The following ATXN1 variants were observed in gnomAD, a reference collection of about 807,000 sequenced individuals.
The protein encoded by ATXN1 is ataxin 1.
ATXN1 carries 8 observed loss-of-function variants against 56.4 expected under a neutral mutation model. The ratio of observed to expected loss-of-function variants is 0.14; its 90% CI spans 0.08 to 0.26. ATXN1 has a LOEUF of 0.26. ATXN1 is among the 10% of genes least tolerant of loss of function. ATXN1 has a pLI of 1.00. For missense variants in ATXN1, 987 were observed against 1,106.5 expected (o/e 0.89, Z 1.53); for synonymous variants, 514 against 494.6 (o/e 1.04, Z -0.52).
At chr6:16,622,993 C>G (rs527904549) in intron 3 of ATXN1, among the ~76,000 whole-genome samples, 5 of 152,088 alleles carry the variant, frequency 3.3e-5, no homozygotes, top group Non-Finnish European at 7.4e-5. Flanking sequence ...GGCTTCATAT[C>G]AGGTTACTGA....
intron 3 of ATXN1, among the ~76,000 whole-genome samples, chr6:16,595,158 T>C (rs1762792635): frequency 1.3e-5 from 2 of 152,206 alleles, no homozygotes; most frequent in African/African-American, 2.4e-5. Context: ...TTTCCTTCAC[T>C]ATTAGAAGCA....
At chr6:16,601,570 G>A (rs1033813503) in intron 3 of ATXN1, among the ~76,000 whole-genome samples, 3 of 152,184 alleles carry the variant, frequency 2.0e-5, no homozygotes, top group African/African-American at 7.2e-5. Flanking sequence ...ATTTATTTCA[G>A]CTGTGCGCAG....
chr6:16,543,441 ATCG>A (rs963007478), intron 4 of ATXN1, among the ~76,000 whole-genome samples: 1 of 152,116 alleles, frequency 6.6e-6, no homozygotes, highest in Admixed American at 6.5e-5. Flanking sequence ...AACATCCTTT[ATCG>A]GCTTGCACAT....
chr6:16,500,693 G>C (rs978125654), intron 5 of ATXN1, among the ~76,000 whole-genome samples: 1 of 133,172 alleles, frequency 7.5e-6, no homozygotes, highest in Non-Finnish European at 1.6e-5. Context: ...TTCTTTCCAA[G>C]ATGTGATAAG....
intron 6 of ATXN1, among the ~76,000 whole-genome samples, chr6:16,469,415 T>C (rs1760172981): frequency 6.6e-6 from 1 of 152,252 alleles, no homozygotes; most frequent in South Asian, 2.1e-4. Flanking sequence ...ACCAAGGTGC[T>C]AATATCTTAT....
chr6:16,746,414 C>G (rs1432114009), intron 2 of ATXN1, among the ~76,000 whole-genome samples: 2 of 152,192 alleles, frequency 1.3e-5, no homozygotes, highest in Non-Finnish European at 2.9e-5. Context: ...AAGGAATTAC[C>G]TAGAGACTAA....
At chr6:16,319,081 G>A (rs1760584705) in intron 7 of ATXN1, among the ~76,000 whole-genome samples, 1 of 152,008 alleles carries the variant, frequency 6.6e-6, no homozygotes, top group Non-Finnish European at 1.5e-5. Context: ...AGCTGGGCGT[G>A]GTGGTGTGTA....
intron 2 of ATXN1, among the ~76,000 whole-genome samples, chr6:16,729,236 G>A (rs1334918722): frequency 2.0e-5 from 3 of 152,172 alleles, no homozygotes; most frequent in South Asian, 4.1e-4. Flanking sequence ...CTCCCAAGGT[G>A]TATATTTATA....
At chr6:16,380,738 T>G (rs1758086590) in intron 6 of ATXN1, among the ~76,000 whole-genome samples, 2 of 152,090 alleles carry the variant, frequency 1.3e-5, no homozygotes, top group South Asian at 4.2e-4. Context: ...AGTGAATGCT[T>G]GACACTCATC....
chr6:16,424,251 G>A (rs899934724), intron 6 of ATXN1, among the ~76,000 whole-genome samples: 2 of 152,166 alleles, frequency 1.3e-5, no homozygotes, highest in Non-Finnish European at 2.9e-5. Context: ...AGAGCTACGG[G>A]TTCAAGGGAC....
intron 6 of ATXN1, among the ~76,000 whole-genome samples, chr6:16,355,205 A>G (rs1039989837): frequency 1.3e-5 from 2 of 152,296 alleles, no homozygotes; most frequent in South Asian, 4.2e-4. Flanking sequence ...GTTTGCTGAG[A>G]GCAGAACCCA....
rs1033842432 is a variant in ATXN1 at position 16,336,930 on chromosome 6, C to A, written c.-160-8460G>T. 7.2e-5 allele frequency among the ~76,000 whole-genome samples: 11 copies of A among 152,308 alleles called. 1 individual carries two copies. The highest frequency in any genetic ancestry group is 5.2e-4 in the Admixed American group (8 of 15,298). On this transcript the variant is annotated intron_variant, in intron 6 of 7. Transcript: ENST00000436367. ...GCAATGGATACGACTATACTTGAAG[C>A]AATGATTAAAAAATTTAAATCCACC...
At chr6:16,379,180 T>C (rs1326019219) in intron 6 of ATXN1, among the ~76,000 whole-genome samples, 1 of 152,232 alleles carries the variant, frequency 6.6e-6, no homozygotes, top group Admixed American at 6.5e-5. Context: ...AAACATCATA[T>C]GTTCTCACTG....
At position 16,760,080 on chromosome 6, in the gene ATXN1, C is replaced by G. The variant is rs1054367611; in HGVS notation, c.-730+1218G>C. Among the ~76,000 whole-genome samples the G allele has an allele frequency of 9.9e-5, 15 of 152,098 alleles. No individual in the cohort carries two copies. Among genetic ancestry groups the G allele is most frequent in the Non-Finnish European group, 1.9e-4 (13 of 68,012 alleles). On this transcript the variant is annotated intron_variant, in intron 1 of 7. Coordinates refer to ENST00000436367, the MANE Select transcript of ATXN1 (RefSeq NM_001128164.2). The surrounding 1 kb of genome is among the most constrained non-coding windows in gnomAD (Gnocchi z 5.3). ...ACCTCTCGCTCCGCCCGTCCGGCCC[C>G]CTTCCCTGCCCCCTGCGGGACCGGC... is the stretch of plus-strand genomic sequence containing the variant.
At chr6:16,575,085 A>G (rs1762399267) in intron 4 of ATXN1, among the ~76,000 whole-genome samples, 1 of 152,188 alleles carries the variant, frequency 6.6e-6, no homozygotes, top group Admixed American at 6.5e-5. Flanking sequence ...CGATGTCAAT[A>G]TGTATCACTG....
chr6:16,714,174 C>A (rs1404573581), intron 2 of ATXN1, among the ~76,000 whole-genome samples: 1 of 22,394 alleles, frequency 4.5e-5, no homozygotes, highest in African/African-American at 2.6e-4. Flanking sequence ...AAAAAAAAAA[C>A]CACACACCAC....
intron 5 of ATXN1, among the ~76,000 whole-genome samples, chr6:16,495,359 G>A (rs1303356812): frequency 1.3e-5 from 2 of 152,164 alleles, no homozygotes; most frequent in African/African-American, 4.8e-5. Flanking sequence ...ACCAAACGGG[G>A]AGTGAAGATA....
intron 2 of ATXN1, among the ~76,000 whole-genome samples, chr6:16,720,314 G>A (rs947092942): frequency 3.9e-5 from 6 of 152,254 alleles, no homozygotes; most frequent in Admixed American, 2.6e-4. Context: ...ATTTTGGGGG[G>A]TCTGCAAATA....
At chr6:16,591,418 T>C (rs1169155103) in intron 3 of ATXN1, among the ~76,000 whole-genome samples, 1 of 152,240 alleles carries the variant, frequency 6.6e-6, no homozygotes, top group Non-Finnish European at 1.5e-5. Context: ...AAGTCTTAAT[T>C]TGATCATTTT....
Sources: gnomAD v4.1 joint callset for allele counts (sites outside exome capture counted in the v4.1 genomes callset) on GRCh38, gnomAD v4.1.1 for gene constraint, Gnocchi (gnomAD v3.1) non-coding constraint, MANE v1.5 for transcripts, NCBI Gene and HGNC (gene_info 2026-07-23, HGNC 2026-07-21) for gene names.